The following DPYSL2 variants were observed in gnomAD, a reference collection of about 807,000 sequenced individuals.
DPYSL2 encodes the protein dihydropyrimidinase-related protein 2.
In DPYSL2, 13 loss-of-function variants were observed where a neutral mutation model predicts 69.9. That is an observed-to-expected ratio of 0.19 (90% CI 0.12 to 0.30). The LOEUF is 0.30. Among genes scored for constraint, DPYSL2 ranks in the 10% least tolerant of loss-of-function variants. DPYSL2 has a pLI of 1.00. For synonymous variants in DPYSL2, 326 were observed against 359.1 expected (o/e 0.91, Z 1.04); for missense variants, 587 against 918.9 (o/e 0.64, Z 4.67).
In DPYSL2 at chr8:26,620,263, T is replaced by C. The variant is rs1383450726; in HGVS notation, c.629-3880T>C. On this transcript the variant is annotated intron_variant, in intron 3 of 13. Transcript: ENST00000521913. This position sits in a 1 kb window ranked among gnomAD's most constrained non-coding sequence, Gnocchi z 4.5. Reference sequence around the variant, plus strand: ...TGGAGGAAATGAGCTTTTATTTTTTTCCTTTTTTTTTGAGGCAGTCTCTTG... The same window carrying C: ...TGGAGGAAATGAGCTTTTATTTTTTCCCTTTTTTTTTGAGGCAGTCTCTTG... Among the ~76,000 whole-genome samples the C allele has an allele frequency of 6.6e-6, 1 of 152,084 alleles. No individual in the cohort carries two copies. The highest frequency in any genetic ancestry group is 1.5e-5 in the Non-Finnish European group (1 of 68,014).
chr8:26,601,726 G>C (rs1246185873), intron 3 of DPYSL2, among the ~76,000 whole-genome samples: 1 of 152,222 alleles, frequency 6.6e-6, no homozygotes, highest in South Asian at 2.1e-4. Flanking sequence ...TTAGGAGGAC[G>C]AGAGAGACCT....
In DPYSL2 at chr8:26,533,133, C is replaced by A. The variant is rs552940446; in HGVS notation, c.354+18454C>A. 5.3e-5 allele frequency among the ~76,000 whole-genome samples: 8 copies of A among 152,270 alleles called. No homozygotes were observed. The South Asian group carries it at 1.5e-3, about 28-fold the overall frequency. ...TTTGTATTTCCCTGATGACTTGATG[C>A]CATTGAGCATCTTTTCATGTGCTTA... On this transcript the variant is annotated intron_variant, in intron 1 of 13. Coordinates refer to ENST00000521913, the MANE Select transcript of DPYSL2 (RefSeq NM_001197293.3). The surrounding 1 kb of genome is among the most constrained non-coding windows in gnomAD (Gnocchi z 4.8).
Position 26,514,750 on chromosome 8 carries a change from C to G in DPYSL2, c.354+71C>G. On this transcript the variant is annotated intron_variant, in intron 1 of 13. Coordinates refer to ENST00000521913, the MANE Select transcript of DPYSL2 (RefSeq NM_001197293.3). The surrounding 1 kb of genome is among the most constrained non-coding windows in gnomAD (Gnocchi z 8.4). ...ATCGCCCCTCCCTCGCCCCTGAGCC[C>G]GGCGCGCCCGCCTTCATGCCCCGCC... 7.7e-7 allele frequency: 1 copy of G among 1,299,316 alleles called. No homozygotes were observed. Among genetic ancestry groups the G allele is most frequent in the Non-Finnish European group, 9.9e-7 (1 of 1,005,928 alleles). The allele number at this position is 1,299,316 out of a possible 1,614,324, so 80.5% of individuals were successfully genotyped here.
intron 1 of DPYSL2, chr8:26,578,444 T>C (rs1585520189): frequency 2.0e-6 from 3 of 1,504,952 alleles, no homozygotes; most frequent in East Asian, 4.7e-5. Context: ...ATGGTGGTGG[T>C]GGTTGTGGGA....
At chr8:26,636,149 G>A (rs867059814) in intron 8 of DPYSL2, among the ~76,000 whole-genome samples, 31 of 151,854 alleles carry the variant, frequency 2.0e-4, no homozygotes, top group Middle Eastern at 6.8e-3. Flanking sequence ...CACCTTGAAG[G>A]AATTGCCTTT....
chr8:26,633,617 G>A (rs577055545), intron 7 of DPYSL2, among the ~76,000 whole-genome samples: 1 of 151,894 alleles, frequency 6.6e-6, no homozygotes, highest in African/African-American at 2.4e-5. Flanking sequence ...ACAGGCATGC[G>A]CCACCATGCC....
At position 26,577,928 on chromosome 8, in the gene DPYSL2, C is replaced by T. The variant is rs879082599; in HGVS notation, c.355-4041C>T. ...GCGGCGCATGCGCCACGGTGGCCGA[C>T]TTGAACCGAGGCTTTTATTGCTGTA... On this transcript the variant is annotated intron_variant, in intron 1 of 13. Transcript: ENST00000521913. 32 of 1,181,838 alleles carry T rather than the reference C, an allele frequency of 2.7e-5. No individual in the cohort carries two copies. In the South Asian group the frequency reaches 6.0e-4, roughly 22 times the overall value. 73.2% of individuals were successfully genotyped at this position (1,181,838 alleles called of 1,614,324 possible).
intron 1 of DPYSL2, among the ~76,000 whole-genome samples, chr8:26,519,058 C>A (rs1808342046): frequency 6.6e-6 from 1 of 152,218 alleles, no homozygotes. Context: ...CCAGTGACAA[C>A]TTCTGGCCAT....
At chr8:26,645,490 T>TG (rs1463631811) in intron 10 of DPYSL2, among the ~76,000 whole-genome samples, 1 of 152,198 alleles carries the variant, frequency 6.6e-6, no homozygotes, top group Non-Finnish European at 1.5e-5. Context: ...TATCTCCACC[T>TG]GCTTAAATAT....
chr8:26,622,473 TA>T (rs1802517264), intron 3 of DPYSL2, among the ~76,000 whole-genome samples: 1 of 103,946 alleles, frequency 9.6e-6, no homozygotes, highest in South Asian at 3.6e-4. Flanking sequence ...TGTGTGTGTG[TA>T]TATGTGTGTG....
At chr8:26,600,895 C>T (rs1310606363) in intron 3 of DPYSL2, among the ~76,000 whole-genome samples, 1 of 152,228 alleles carries the variant, frequency 6.6e-6, no homozygotes, top group Admixed American at 6.5e-5. Flanking sequence ...GAGCCTTCTT[C>T]TTTCTGCTTC....
intron 8 of DPYSL2, chr8:26,637,792 A>G (rs1802953616): frequency 6.6e-6 from 1 of 152,228 alleles, no homozygotes; most frequent in Non-Finnish European, 1.5e-5. Context: ...TCCTTTTGCC[A>G]TCTGCAAGGG....
At chr8:26,602,138 A>ATT (rs374443692) in intron 3 of DPYSL2, among the ~76,000 whole-genome samples, 10,575 of 135,192 alleles carry the variant, frequency 0.078, 461 homozygotes, top group Middle Eastern at 0.11. Flanking sequence ...AACAAAGGAA[A>ATT]TTTTTTTTTT....
intron 1 of DPYSL2, among the ~76,000 whole-genome samples, chr8:26,576,908 G>A (rs1357020353): frequency 6.6e-6 from 1 of 152,228 alleles, no homozygotes; most frequent in Non-Finnish European, 1.5e-5. Context: ...AGGCACCAGC[G>A]AAATGCGCTG....
At position 26,514,220 on chromosome 8, in the gene DPYSL2, C is replaced by T; in HGVS notation, c.-106C>T. 1 of 1,045,730 alleles carries T rather than the reference C, an allele frequency of 9.6e-7. No homozygotes were observed. Among genetic ancestry groups the T allele is most frequent in the Non-Finnish European group, 1.3e-6 (1 of 781,162 alleles). The allele number at this position is 1,045,730 out of a possible 1,614,324, so 64.8% of individuals were successfully genotyped here. ...TGTGCACCTTGCGGTGGGCGGCGAA[C>T]GGCAGCCGCGGCAGCAGCTAGGGGG... On this transcript the variant is annotated 5_prime_UTR_variant, in exon 1 of 14. It adds an upstream start codon to the 5' untranslated region. Coordinates refer to ENST00000521913, the MANE Select transcript of DPYSL2 (RefSeq NM_001197293.3). This position sits in a 1 kb window ranked among gnomAD's most constrained non-coding sequence, Gnocchi z 8.4.
Position 26,515,514 on chromosome 8 carries a change from C to T in DPYSL2, c.354+835C>T, listed in dbSNP as rs1045785312. ...AGACTGTCGAAGAAGACTAAACCCC[C>T]TTTTATTGTGTTAATGGGGGAAACA... is the stretch of plus-strand genomic sequence containing the variant. On this transcript the variant is annotated intron_variant, in intron 1 of 13. Coordinates refer to ENST00000521913, the MANE Select transcript of DPYSL2 (RefSeq NM_001197293.3). 5.3e-5 allele frequency among the ~76,000 whole-genome samples: 8 copies of T among 152,174 alleles called. No homozygotes were observed. The East Asian group carries it at 1.5e-3, about 29-fold the overall frequency.
chr8:26,640,249 T>C lies in DPYSL2; in HGVS notation c.1127-3190T>C, dbSNP rs1310071572. ...ATGCACACGGGCCCCAGACTGGTTG[T>C]AAATAAGCACCAGCTCCCATCCCCT... is the stretch of plus-strand genomic sequence containing the variant. On this transcript the variant is annotated intron_variant, in intron 8 of 13. Transcript: ENST00000521913. This position sits in a 1 kb window ranked among gnomAD's most constrained non-coding sequence, Gnocchi z 4.2. Among the ~76,000 whole-genome samples, 1 of 152,218 alleles carries C rather than the reference T, an allele frequency of 6.6e-6. No homozygotes were observed. Among genetic ancestry groups the C allele is most frequent in the African/African-American group, 2.4e-5 (1 of 41,462 alleles).
chr8:26,583,759 A>T (rs415524), intron 2 of DPYSL2, 40 bp from the exon 3 acceptor site: 1 of 1,564,966 alleles, frequency 6.4e-7, no homozygotes, highest in Non-Finnish European at 8.7e-7. Flanking sequence ...TTGAGTCCAC[A>T]TTTCATTTAC....
At chr8:26,552,172 A>G (rs1245643625) in intron 1 of DPYSL2, among the ~76,000 whole-genome samples, 2 of 152,224 alleles carry the variant, frequency 1.3e-5, no homozygotes, top group Non-Finnish European at 2.9e-5. Context: ...AAGAAATTTT[A>G]AAAATATTTT....
Sources: allele counts gnomAD v4.1 joint callset (sites outside exome capture counted in the v4.1 genomes callset), GRCh38; gene constraint gnomAD v4.1.1; non-coding constraint Gnocchi (gnomAD v3.1); transcripts MANE v1.5; gene names NCBI Gene and HGNC (gene_info 2026-07-23, HGNC 2026-07-21).